The following MYT1L variants were observed in gnomAD, a reference collection of about 807,000 sequenced individuals.
MYT1L encodes myelin transcription factor 1 like, also known as myelin transcription factor 1-like protein.
MYT1L carries 12 observed loss-of-function variants against 126.7 expected under a neutral mutation model. The ratio of observed to expected loss-of-function variants is 0.09; its 90% CI spans 0.06 to 0.15. The LOEUF is 0.15. Ranked by LOEUF, MYT1L falls within the 10% of genes least tolerant of loss-of-function variation. MYT1L has a pLI of 1.00. For synonymous variants in MYT1L, 541 were observed against 604.2 expected (o/e 0.90, Z 1.53); for missense variants, 979 against 1,585.2 (o/e 0.62, Z 6.49).
At chr2:2,236,553 C>T (rs2094312139) in intron 2 of MYT1L, among the ~76,000 whole-genome samples, 1 of 147,926 alleles carries the variant, frequency 6.8e-6, no homozygotes, top group Non-Finnish European at 1.5e-5. Context: ...CCAGCACATC[C>T]CAACCCAACC....
chr2:1,962,109 A>G (rs2059006192), intron 8 of MYT1L, among the ~76,000 whole-genome samples: 1 of 152,234 alleles, frequency 6.6e-6, no homozygotes, highest in African/African-American at 2.4e-5. Flanking sequence ...TATGAATTGC[A>G]TTGTCCATCA....
chr2:2,152,871 C>T (rs1394783524), intron 3 of MYT1L, among the ~76,000 whole-genome samples: 1 of 151,922 alleles, frequency 6.6e-6, no homozygotes, highest in African/African-American at 2.4e-5. Context: ...AATGTCAGGG[C>T]TGGTGAGGGG....
chr2:2,087,845 A>T (rs539050307), intron 3 of MYT1L, among the ~76,000 whole-genome samples: 3 of 152,354 alleles, frequency 2.0e-5, no homozygotes, highest in African/African-American at 7.2e-5. Flanking sequence ...TTAAGCACAG[A>T]ACGGGCCAGT....
At chr2:1,996,074 G>A (rs1415367680) in intron 5 of MYT1L, among the ~76,000 whole-genome samples, 2 of 152,254 alleles carry the variant, frequency 1.3e-5, no homozygotes, top group Non-Finnish European at 2.9e-5. Context: ...GGCCGGAGAG[G>A]CTGAGGTGGA....
chr2:2,005,940 ATGTGTTCTTTCCTGAATGCGTTCTTTCC>A lies in MYT1L; in HGVS notation c.-157-8621_-157-8594del, dbSNP rs1338408530. 5.1e-3 allele frequency among the ~76,000 whole-genome samples: 727 copies of A among 141,740 alleles called. 5 individuals carry two copies. The highest frequency in any genetic ancestry group is 0.019 in the African/African-American group (690 of 36,942). 93.0% of individuals were successfully genotyped at this position (141,740 alleles called of 152,430 possible). ...CTTTCCTGCATGCGTTCTTTCCTGCATGTGTTCTTTCCTGAATGCGTTCTTTCCTGCAGGTGTTCTTTCCTGCATGCGT... is the reference window on the plus strand; with the variant it reads ...CTTTCCTGCATGCGTTCTTTCCTGCATGCAGGTGTTCTTTCCTGCATGCGT... On this transcript the variant is annotated intron_variant, in intron 4 of 24. Coordinates refer to ENST00000647738, the MANE Select transcript of MYT1L (RefSeq NM_001303052.2).
intron 2 of MYT1L, among the ~76,000 whole-genome samples, chr2:2,236,998 G>A (rs1036400875): frequency 2.0e-5 from 3 of 151,918 alleles, no homozygotes. Flanking sequence ...ACTATTAGTA[G>A]AGATGGGGTT....
chr2:2,071,451 T>C (rs76364312), intron 3 of MYT1L, among the ~76,000 whole-genome samples: 2,584 of 152,308 alleles, frequency 0.017, 65 homozygotes, highest in African/African-American at 0.059. Flanking sequence ...GGGTGTGATA[T>C]TGACAAACAA....
chr2:1,881,133 C>T (rs1275437022), intron 18 of MYT1L, among the ~76,000 whole-genome samples: 2 of 152,168 alleles, frequency 1.3e-5, no homozygotes, highest in Non-Finnish European at 2.9e-5. Flanking sequence ...AGGTCTCAGG[C>T]TTACTGTGAG....
chr2:2,029,391 A>C (rs1363555497), intron 4 of MYT1L, among the ~76,000 whole-genome samples: 1 of 152,196 alleles, frequency 6.6e-6, no homozygotes, highest in Non-Finnish European at 1.5e-5. Context: ...AGAAAGAGCA[A>C]AGTCACGTCT....
intron 4 of MYT1L, among the ~76,000 whole-genome samples, chr2:2,050,297 C>T (rs1340842276): frequency 6.6e-6 from 1 of 152,146 alleles, no homozygotes; most frequent in East Asian, 1.9e-4. Context: ...TATAGATTTA[C>T]AGAGTTGGAG....
intron 4 of MYT1L, among the ~76,000 whole-genome samples, chr2:2,045,481 A>C (rs2068065928): frequency 6.6e-6 from 1 of 152,160 alleles, no homozygotes; most frequent in Non-Finnish European, 1.5e-5. Context: ...CATCAAAACC[A>C]CCCACCTGCT....
At chr2:1,847,327 C>G (rs1389638133) in intron 19 of MYT1L, among the ~76,000 whole-genome samples, 1 of 152,166 alleles carries the variant, frequency 6.6e-6, no homozygotes, top group Non-Finnish European at 1.5e-5. Context: ...CATTCGGGAA[C>G]CGTAGAGGCC....
intron 3 of MYT1L, among the ~76,000 whole-genome samples, chr2:2,118,334 A>G (rs1313141175): frequency 6.6e-6 from 1 of 152,192 alleles, no homozygotes; most frequent in Non-Finnish European, 1.5e-5. Context: ...CAATAAAACA[A>G]CTGAGATAAT....
rs180913172 is a variant in MYT1L at position 2,318,001 on chromosome 2, G to A, written c.-521+12966C>T. ...GACTCGATCTTGTAGGAGGAAGGAC[G>A]AGATGTGTGAAAATCGTTTACTGAT... On this transcript the variant is annotated intron_variant, in intron 1 of 24. Coordinates refer to ENST00000647738, the MANE Select transcript of MYT1L (RefSeq NM_001303052.2). Among the ~76,000 whole-genome samples, 22 of 152,310 alleles carry A rather than the reference G, an allele frequency of 1.4e-4. No homozygotes were observed. The East Asian group carries it at 3.7e-3, about 25-fold the overall frequency.
At chr2:1,876,860 G>C (rs1288914520) in intron 18 of MYT1L, among the ~76,000 whole-genome samples, 1 of 152,164 alleles carries the variant, frequency 6.6e-6, no homozygotes, top group Non-Finnish European at 1.5e-5. Flanking sequence ...CTGGCATCCC[G>C]ATGTCTTCTA....
intron 8 of MYT1L, among the ~76,000 whole-genome samples, chr2:1,970,547 C>T (rs1043522069): frequency 2.6e-5 from 4 of 152,148 alleles, no homozygotes; most frequent in South Asian, 2.1e-4. Flanking sequence ...AGGGGCATCC[C>T]GTGGTCGGCA....
rs561928537 is a variant in MYT1L at position 2,014,030 on chromosome 2, T to C, written c.-157-16683A>G. On this transcript the variant is annotated intron_variant, in intron 4 of 24. Coordinates refer to ENST00000647738, the MANE Select transcript of MYT1L (RefSeq NM_001303052.2). ...ATGTGGATGCCCATGCCTTTTCCTA[T>C]GCAGCCAATTTGCCTAGTAAATAAC... 1.1e-4 allele frequency among the ~76,000 whole-genome samples: 16 copies of C among 152,332 alleles called. No homozygotes were observed. In the South Asian group the frequency reaches 1.7e-3, roughly 16 times the overall value.
At chr2:2,313,241 C>T (rs571403816) in intron 1 of MYT1L, among the ~76,000 whole-genome samples, 75 of 151,094 alleles carry the variant, frequency 5.0e-4, no homozygotes, top group African/African-American at 1.8e-3. Flanking sequence ...CAGTACATTG[C>T]TTTCTGAAGA....
intron 1 of MYT1L, among the ~76,000 whole-genome samples, chr2:2,313,949 A>G (rs1359372594): frequency 6.6e-6 from 1 of 152,204 alleles, no homozygotes; most frequent in Non-Finnish European, 1.5e-5. Context: ...CTCTGTGAAG[A>G]AGAAAGAAAA....
Sources: gnomAD v4.1 joint callset for allele counts (sites outside exome capture counted in the v4.1 genomes callset) on GRCh38, gnomAD v4.1.1 for gene constraint, MANE v1.5 for transcripts, NCBI Gene and HGNC (gene_info 2026-07-23, HGNC 2026-07-21) for gene names.